Variants in RALGAPA2 observed in about 807,000 individuals in gnomAD.
RALGAPA2 encodes the protein Ral GTPase activating protein catalytic subunit alpha 2, also known as ral GTPase-activating protein subunit alpha-2.
In RALGAPA2, 139 loss-of-function variants were observed where a neutral mutation model predicts 230.4. The observed-to-expected ratio is 0.60, with a 90% CI of 0.53 to 0.69. The LOEUF (loss-of-function observed/expected upper bound fraction) is 0.69. Among genes scored for constraint, RALGAPA2 ranks in the 30% least tolerant of loss-of-function variants. The pLI is 0.00. For missense variants in RALGAPA2, 2,163 were observed against 2,276.0 expected (o/e 0.95, Z 1.01); for synonymous variants, 847 against 837.8 (o/e 1.01, Z -0.19).
At chr20:20,433,042 C>T (rs142699211) in intron 37 of RALGAPA2, among the ~76,000 whole-genome samples, 3 of 152,320 alleles carry the variant, frequency 2.0e-5, no homozygotes, top group East Asian at 3.9e-4. Flanking sequence ...AATGACTATG[C>T]AAATTTAGTG....
chr20:20,441,414 T>C (rs1462859352), intron 37 of RALGAPA2, among the ~76,000 whole-genome samples: 1 of 152,204 alleles, frequency 6.6e-6, no homozygotes, highest in Non-Finnish European at 1.5e-5. Flanking sequence ...CTAGCCTTGT[T>C]GAAACAAACA....
intron 32 of RALGAPA2, among the ~76,000 whole-genome samples, chr20:20,512,240 TACACACACACACACAC>T (rs370439645): frequency 7.2e-6 from 1 of 138,352 alleles, no homozygotes; most frequent in Non-Finnish European, 1.6e-5. Context: ...CACACACACA[TACACACACACACACAC>T]ACACACACAC....
At chr20:20,543,235 C>T (rs961191429) in intron 24 of RALGAPA2, among the ~76,000 whole-genome samples, 3 of 151,908 alleles carry the variant, frequency 2.0e-5, no homozygotes, top group East Asian at 1.9e-4. Flanking sequence ...TTATTAGAGG[C>T]GGGGTTTCAC....
rs553136693 is a variant in RALGAPA2, at chr20:20,571,026, C to A, written c.3156+432G>T. On this transcript the variant is annotated intron_variant, in intron 23 of 39. Transcript: ENST00000202677. ...AACTCCTTATCAAGAAATGTCTGGACTCATCTTCTATCTTACAGGTAAAGT... is the reference window on the plus strand; with the variant it reads ...AACTCCTTATCAAGAAATGTCTGGAATCATCTTCTATCTTACAGGTAAAGT... Among the ~76,000 whole-genome samples, 192 of 152,346 alleles carry A rather than the reference C, an allele frequency of 1.3e-3. 2 individuals carry two copies. In the South Asian group the frequency reaches 0.025, roughly 20 times the overall value.
chr20:20,674,523 CAG>C (rs1707177201), intron 3 of RALGAPA2, among the ~76,000 whole-genome samples: 1 of 152,270 alleles, frequency 6.6e-6, no homozygotes, highest in East Asian at 1.9e-4. Flanking sequence ...AAGGCTGACT[CAG>C]GGCGGAAAGC....
chr20:20,636,550 GTGTGTGTA>G (rs1378616746), intron 8 of RALGAPA2, among the ~76,000 whole-genome samples: 3 of 151,766 alleles, frequency 2.0e-5, no homozygotes, highest in African/African-American at 4.8e-5. Flanking sequence ...GTGTGTGTGT[GTGTGTGTA>G]TGTGTGTGTG....
At chr20:20,610,477 C>A (rs961736002) in intron 14 of RALGAPA2, among the ~76,000 whole-genome samples, 2 of 152,148 alleles carry the variant, frequency 1.3e-5, no homozygotes, top group South Asian at 2.1e-4. Flanking sequence ...TCTGCTCGCA[C>A]CAAAGACCGG....
At chr20:20,587,602 AC>A (rs1213693730) in intron 18 of RALGAPA2, among the ~76,000 whole-genome samples, 72 of 152,216 alleles carry the variant, frequency 4.7e-4, no homozygotes, top group African/African-American at 1.7e-3. Context: ...TGTAGTTGAG[AC>A]TTTTAAAAAA....
intron 1 of RALGAPA2, among the ~76,000 whole-genome samples, chr20:20,686,911 G>T (rs1022482512): frequency 1.3e-5 from 2 of 152,194 alleles, no homozygotes; most frequent in Non-Finnish European, 2.9e-5. Context: ...CCAGTGGGAT[G>T]CTATCAAGGG....
intron 37 of RALGAPA2, among the ~76,000 whole-genome samples, chr20:20,441,443 T>C (rs982623725): frequency 1.3e-5 from 2 of 152,218 alleles, no homozygotes; most frequent in African/African-American, 2.4e-5. Flanking sequence ...GAATGTCACC[T>C]TGCCCTCCCT....
intron 3 of RALGAPA2, among the ~76,000 whole-genome samples, chr20:20,660,327 T>G (rs868680064): frequency 1.3e-5 from 2 of 152,176 alleles, no homozygotes; most frequent in South Asian, 4.1e-4. Context: ...ATGCCTGTAT[T>G]TATATCGTGA....
At chr20:20,688,314 GA>G (rs537238101) in intron 1 of RALGAPA2, among the ~76,000 whole-genome samples, 143 of 139,744 alleles carry the variant, frequency 1.0e-3, no homozygotes, top group South Asian at 1.1e-3. Flanking sequence ...CTCAAAAAAA[GA>G]AAAAAAAAAA....
At chr20:20,639,355 T>C (rs1358472900) in intron 7 of RALGAPA2, among the ~76,000 whole-genome samples, 1 of 152,256 alleles carries the variant, frequency 6.6e-6, no homozygotes, top group Non-Finnish European at 1.5e-5. Context: ...ACTTCAGTTC[T>C]GTAGGCAATT....
intron 20 of RALGAPA2, among the ~76,000 whole-genome samples, chr20:20,577,469 T>C (rs1404684563): frequency 6.6e-6 from 1 of 152,206 alleles, no homozygotes. Flanking sequence ...AAGAGTATCA[T>C]ATACTCAACT....
intron 37 of RALGAPA2, among the ~76,000 whole-genome samples, chr20:20,465,149 T>TCTCACACACACACACACACA (rs1556066770): frequency 9.2e-6 from 1 of 109,210 alleles, no homozygotes; most frequent in Non-Finnish European, 1.8e-5. Flanking sequence ...CCGCAGGCCT[T>TCTCACACACACACACACACA]CACACACACA....
intron 1 of RALGAPA2, among the ~76,000 whole-genome samples, chr20:20,711,835 A>G (rs2069885042): frequency 6.6e-6 from 1 of 152,196 alleles, no homozygotes; most frequent in South Asian, 2.1e-4. Flanking sequence ...GACAGATGAC[A>G]AATCTGTGCT....
intron 30 of RALGAPA2, among the ~76,000 whole-genome samples, chr20:20,522,099 G>T (rs966225299): frequency 3.9e-5 from 6 of 152,196 alleles, no homozygotes; most frequent in African/African-American, 1.4e-4. Context: ...TGCAATAAAT[G>T]TAGGAAATGC....
intron 38 of RALGAPA2, among the ~76,000 whole-genome samples, chr20:20,404,177 G>A (rs1383613504): frequency 6.6e-6 from 1 of 152,206 alleles, no homozygotes; most frequent in Non-Finnish European, 1.5e-5. Context: ...TGTGTACTGA[G>A]AAGTGAATTT....
At position 20,398,889 on chromosome 20, in the gene RALGAPA2, C is replaced by T. The variant is rs2059773204; in HGVS notation, c.5618-2155G>A. The stretch of plus-strand genomic sequence containing the variant: ...CATGCAGTCTAATGAGGGGATATCA[C>T]CCCTTGGGGTGGCAAAATAGCCTAC... On this transcript the variant is annotated intron_variant, in intron 38 of 39. Coordinates refer to ENST00000202677, the MANE Select transcript of RALGAPA2 (RefSeq NM_020343.4). The surrounding 1 kb of genome is among the most constrained non-coding windows in gnomAD (Gnocchi z 4.5). 6.6e-6 allele frequency among the ~76,000 whole-genome samples: 1 copy of T among 152,180 alleles called. No homozygotes were observed. Among genetic ancestry groups the T allele is most frequent in the Non-Finnish European group, 1.5e-5 (1 of 68,038 alleles).
Sources: allele counts gnomAD v4.1 joint callset (sites outside exome capture counted in the v4.1 genomes callset), GRCh38; gene constraint gnomAD v4.1.1; non-coding constraint Gnocchi (gnomAD v3.1); transcripts MANE v1.5; gene names NCBI Gene and HGNC (gene_info 2026-07-23, HGNC 2026-07-21).